Variants in GTF2F2 observed in about 807,000 individuals in gnomAD.
The protein encoded by GTF2F2 is general transcription factor IIF subunit 2.
A neutral mutation model predicts 42.2 loss-of-function variants in GTF2F2; 23 were observed. The observed-to-expected ratio is 0.55, with a 90% CI of 0.39 to 0.77. GTF2F2 has a LOEUF of 0.77. Among genes scored for constraint, GTF2F2 ranks in the 30% least tolerant of loss-of-function variants. The probability of loss-of-function intolerance (pLI) is 0.00; values close to 1 mark genes in which losing one functional copy is unlikely to be tolerated. For missense variants in GTF2F2, 261 were observed against 287.2 expected, an observed-to-expected ratio of 0.91 and a Z score of 0.66; for synonymous variants, 105 against 100.8, an observed-to-expected ratio of 1.04 and a Z score of -0.25.
intron 4 of GTF2F2, among the ~76,000 whole-genome samples, chr13:45,203,060 T>C (rs1238400766): frequency 6.6e-6 from 1 of 152,172 alleles, no homozygotes; most frequent in Non-Finnish European, 1.5e-5. Context: ...GACCATCTGT[T>C]TTCTTTGTTT....
At chr13:45,124,041 G>A in intron 1 of GTF2F2, 1 of 1,142,592 alleles carries the variant, frequency 8.8e-7, no homozygotes, top group Non-Finnish European at 1.3e-6. Context: ...TGGGCCATGA[G>A]GTCCCCCACC....
intron 7 of GTF2F2, among the ~76,000 whole-genome samples, chr13:45,272,108 A>G (rs941664506): frequency 6.7e-6 from 1 of 149,286 alleles, no homozygotes; most frequent in Non-Finnish European, 1.5e-5. Flanking sequence ...TAAATTTTTT[A>G]TATTTTAAAA....
intron 5 of GTF2F2, among the ~76,000 whole-genome samples, chr13:45,231,799 G>T (rs1273736983): frequency 5.9e-5 from 9 of 151,992 alleles, no homozygotes; most frequent in Non-Finnish European, 1.0e-4. Flanking sequence ...GCTCACATTG[G>T]TAGCCACATA....
intron 2 of GTF2F2, among the ~76,000 whole-genome samples, chr13:45,144,455 GTC>G (rs1870089068): frequency 8.4e-6 from 1 of 119,438 alleles, no homozygotes; most frequent in African/African-American, 3.1e-5. Flanking sequence ...TCTTTTTTTG[GTC>G]TTTTTTTTTT....
At chr13:45,208,189 T>G (rs1873494606) in intron 5 of GTF2F2, among the ~76,000 whole-genome samples, 1 of 152,172 alleles carries the variant, frequency 6.6e-6, no homozygotes, top group Non-Finnish European at 1.5e-5. Context: ...CCTATTCTCT[T>G]GATCTATAGA....
intron 5 of GTF2F2, among the ~76,000 whole-genome samples, chr13:45,209,726 G>A (rs912576689): frequency 1.3e-5 from 2 of 152,136 alleles, no homozygotes; most frequent in Non-Finnish European, 2.9e-5. Flanking sequence ...CGGGTTGAAT[G>A]TCTGATAGAC....
chr13:45,124,342 A>G (rs1868856045), intron 1 of GTF2F2, among the ~76,000 whole-genome samples: 2 of 151,192 alleles, frequency 1.3e-5, no homozygotes, highest in South Asian at 4.2e-4. Context: ...TCTGCCTCCC[A>G]AAGTGCTGGG....
In GTF2F2 at chr13:45,258,487, C is replaced by G. The variant is rs539581777; in HGVS notation, c.486+5517C>G. On this transcript the variant is annotated intron_variant, in intron 6 of 7. Transcript: ENST00000340473. ...GTAGCCTGCAGACCTCTTGCCACCC[C>G]ACCCTTACCACCAAGGCTAGAGTTG... Among the ~76,000 whole-genome samples, 5 of 152,274 alleles carry G rather than the reference C, an allele frequency of 3.3e-5. 1 individual carries two copies. In the South Asian group the frequency reaches 8.3e-4, roughly 25 times the overall value.
At chr13:45,271,088 C>G (rs1039479203) in intron 7 of GTF2F2, among the ~76,000 whole-genome samples, 2 of 151,724 alleles carry the variant, frequency 1.3e-5, no homozygotes, top group African/African-American at 4.9e-5. Context: ...GTCAGGAGAT[C>G]GAGACTATCC....
At chr13:45,127,970 C>CT (rs1566107690) in intron 1 of GTF2F2, among the ~76,000 whole-genome samples, 30 of 33,468 alleles carry the variant, frequency 9.0e-4, no homozygotes, top group East Asian at 2.9e-3. Flanking sequence ...TTTTTTTTTT[C>CT]TTTTTTTTTG....
chr13:45,142,277 G>A (rs1196428617), intron 2 of GTF2F2, among the ~76,000 whole-genome samples: 2 of 150,808 alleles, frequency 1.3e-5, no homozygotes, highest in Admixed American at 6.6e-5. Context: ...AGCAATTCTC[G>A]TGCCTCAGCC....
intron 7 of GTF2F2, among the ~76,000 whole-genome samples, chr13:45,270,218 A>G (rs1225516562): frequency 6.6e-6 from 1 of 152,194 alleles, no homozygotes; most frequent in African/African-American, 2.4e-5. Context: ...TATGTGACTT[A>G]CATAAGCAAC....
At position 45,164,188 on chromosome 13, in the gene GTF2F2, G is replaced by A. The variant is rs1871160615; in HGVS notation, c.304+12357G>A. Among the ~76,000 whole-genome samples the A allele has an allele frequency of 1.3e-5, 2 of 151,958 alleles. 1 individual carries two copies. The highest frequency in any genetic ancestry group is 4.1e-4 in the South Asian group (2 of 4,820). ...TCAGCTACTTGGGAGGCTGAGGCAC[G>A]AGAATCACTTGAACCCAGGAAGTGG... On this transcript the variant is annotated intron_variant, in intron 4 of 7. Transcript: ENST00000340473.
chr13:45,262,639 G>C (rs1028095175), intron 6 of GTF2F2, among the ~76,000 whole-genome samples: 4 of 151,860 alleles, frequency 2.6e-5, no homozygotes, highest in African/African-American at 9.7e-5. Flanking sequence ...GGCTGGTCTC[G>C]AACTCCTAAG....
intron 7 of GTF2F2, among the ~76,000 whole-genome samples, chr13:45,283,161 T>C (rs543638467): frequency 6.6e-6 from 1 of 152,196 alleles, no homozygotes; most frequent in Admixed American, 6.6e-5. Context: ...TCATGTAGTG[T>C]TTTTTGTGTT....
intron 4 of GTF2F2, among the ~76,000 whole-genome samples, chr13:45,168,023 A>T (rs769683824): frequency 6.6e-6 from 1 of 152,132 alleles, no homozygotes; most frequent in Non-Finnish European, 1.5e-5. Context: ...GATTTGACAC[A>T]TTTTTTTCCT....
intron 6 of GTF2F2, among the ~76,000 whole-genome samples, chr13:45,254,562 G>A (rs1876020909): frequency 6.6e-6 from 1 of 152,136 alleles, no homozygotes. Flanking sequence ...AACAGATAAG[G>A]TAACAGGCAG....
chr13:45,226,935 T>A (rs542807209), intron 5 of GTF2F2, among the ~76,000 whole-genome samples: 1 of 151,880 alleles, frequency 6.6e-6, no homozygotes, highest in African/African-American at 2.4e-5. Flanking sequence ...CTACAAAAAA[T>A]TTAAAAATAA....
chr13:45,216,788 G>A (rs1469685068), intron 5 of GTF2F2, among the ~76,000 whole-genome samples: 1 of 151,718 alleles, frequency 6.6e-6, no homozygotes, highest in African/African-American at 2.4e-5. Context: ...CCAAGTGCTG[G>A]GATTACAGGC....
Sources: allele counts gnomAD v4.1 joint callset (sites outside exome capture counted in the v4.1 genomes callset), GRCh38; gene constraint gnomAD v4.1.1; transcripts MANE v1.5; gene names NCBI Gene and HGNC (gene_info 2026-07-23, HGNC 2026-07-21).